The following LBHD1 variants were observed in gnomAD, a reference collection of about 807,000 sequenced individuals.
LBHD1 encodes LBH domain-containing protein 1.
LBHD1 carries 28 observed loss-of-function variants against 31.1 expected under a neutral mutation model. The ratio of observed to expected loss-of-function variants is 0.90; its 90% CI spans 0.67 to 1.24. The LOEUF is 1.24. LBHD1 is among the 50% of genes most tolerant of loss of function. The pLI, the probability that LBHD1 is intolerant of heterozygous loss-of-function variation, is 0.00. For missense variants in LBHD1, 350 were observed against 323.0 expected, an observed-to-expected ratio of 1.08 and a Z score of -0.64; for synonymous variants, 105 against 116.5, an observed-to-expected ratio of 0.90 and a Z score of 0.63.
chr11:62,669,517 C>T, intron 3 of LBHD1, 124 bp downstream of exon 3: 1 of 1,508,604 alleles, frequency 6.6e-7, no homozygotes, highest in African/African-American at 1.4e-5. Flanking sequence ...CACATCTTCA[C>T]ATTTATTGAG....
rs776646553 is a variant in LBHD1 at position 62,667,096 on chromosome 11, G to A, written c.538+427C>T. On this transcript the variant is annotated intron_variant, in intron 4 of 6. Coordinates refer to ENST00000354588, the MANE Select transcript of LBHD1 (RefSeq NM_024099.5). ...ACCCTAGTATTTCTGTGGGCAAGGA[G>A]AGGGCTGAAGAACTGTCTTTGCAAG... 9 of 1,512,710 alleles carry A rather than the reference G, an allele frequency of 5.9e-6. No homozygotes were observed. In the East Asian group the frequency reaches 2.0e-4, roughly 34 times the overall value. The allele number at this position is 1,512,710 out of a possible 1,614,324, so 93.7% of individuals were successfully genotyped here.
chr11:62,667,163 AT>A, intron 4 of LBHD1: 1 of 1,109,912 alleles, frequency 9.0e-7, no homozygotes, highest in Non-Finnish European at 1.3e-6. Flanking sequence ...TGGCTTCCAC[AT>A]TTACTAGCTG....
chr11:62,667,926 G>A (rs923047673), intron 3 of LBHD1, 179 bp from the exon 4 acceptor site: 18 of 573,672 alleles, frequency 3.1e-5, no homozygotes, highest in South Asian at 8.7e-5. Context: ...AAATGAGCCC[G>A]GGATAGTGGC....
Position 62,669,802 on chromosome 11 carries a change from T to C in LBHD1, c.152A>G (p.Asp51Gly), listed in dbSNP as rs1944906338. ...GKVEGHQHIQ[D>G]FSQKSHLPSI... ...CGGCAGATGGGACTTTTGAGAGAAA[T>C]CCTGAATAGGGACAGCAGGGAGGTT... is the stretch of plus-strand genomic sequence containing the variant. The change falls in exon 3 of 7, where the codon GAT becomes GGT. Residue 51 changes from aspartate (D) to glycine (G), a missense_variant and splice_region_variant. Physicochemically the swap from Asp to Gly is moderately conservative, Grantham distance 94. Transcript: ENST00000354588. 1 of 1,614,056 alleles carries C rather than the reference T, an allele frequency of 6.2e-7. No individual in the cohort carries two copies. Among genetic ancestry groups the C allele is most frequent in the Non-Finnish European group, 8.5e-7 (1 of 1,180,042 alleles).
rs1388517088 is a variant in LBHD1, at chr11:62,671,747, T to G, written c.-194A>C. 1.2e-6 allele frequency: 2 copies of G among 1,613,398 alleles called. No individual in the cohort carries two copies. Among genetic ancestry groups the G allele is most frequent in the Admixed American group, 3.3e-5 (2 of 60,002 alleles). On this transcript the variant is annotated 5_prime_UTR_variant, in exon 1 of 7. An upstream start codon of the reference 5' UTR is lost. Transcript: ENST00000354588. ...GCTCCGCTGGCTGTGCAGGCGGCCA[T>G]GGATTCCTTGCGGAAAATGCTGATC...
intron 4 of LBHD1, chr11:62,666,678 A>G: frequency 1.2e-6 from 2 of 1,614,066 alleles, no homozygotes; most frequent in Non-Finnish European, 1.7e-6. Context: ...GCCCACATGA[A>G]TAGCCTCCTG....
chr11:62,670,201 T>C (rs1944914840), intron 1 of LBHD1, 160 bp from the exon 2 acceptor site: 5 of 715,986 alleles, frequency 7.0e-6, no homozygotes, highest in Non-Finnish European at 1.1e-5. Context: ...AGAGGTGAGA[T>C]AGGATCTTTA....
rs539060909 is a variant in LBHD1 at position 62,663,407 on chromosome 11, T to C, written c.664-74A>G. 3.2e-5 allele frequency: 47 copies of C among 1,476,406 alleles called. No individual in the cohort carries two copies. The South Asian group carries it at 4.9e-4, about 15-fold the overall frequency. The allele number at this position is 1,476,406 out of a possible 1,614,324, so 91.5% of individuals were successfully genotyped here. A position where few individuals can be genotyped will look rare whatever the true frequency, so the allele number is the denominator to read the frequency against. ...GAGGTCACACAAATAGTTCTGGCTA[T>C]AGAAAAAGTATTAAATAGGCTGGGC... On this transcript the variant is annotated intron_variant, in intron 5 of 6. Transcript: ENST00000354588.
chr11:62,667,310 A>G (rs1944846892), intron 4 of LBHD1: 4 of 644,430 alleles, frequency 6.2e-6, no homozygotes, highest in East Asian at 5.5e-5. Flanking sequence ...AGAAGGTACA[A>G]TTGGGTCATT....
intron 4 of LBHD1, chr11:62,665,321 G>A (rs1590847097): frequency 5.5e-6 from 4 of 728,880 alleles, no homozygotes; most frequent in Non-Finnish European, 6.9e-6. Context: ...CCTTTCGGAG[G>A]GTGGTGAGCT....
At chr11:62,669,561 G>T in intron 3 of LBHD1, 80 bp downstream of exon 3, 1 of 1,533,906 alleles carries the variant, frequency 6.5e-7, no homozygotes, top group Non-Finnish European at 8.7e-7. Flanking sequence ...CTGAATGCAG[G>T]GGCCGTAACT....
rs1250724436 is a variant in LBHD1, at chr11:62,671,778, C to T, written c.-225G>A. 3 of 1,613,968 alleles carry T rather than the reference C, an allele frequency of 1.9e-6. No homozygotes were observed. The highest frequency in any genetic ancestry group is 2.5e-6 in the Non-Finnish European group (3 of 1,180,014). On this transcript the variant is annotated 5_prime_UTR_variant, in exon 1 of 7. Coordinates refer to ENST00000354588, the MANE Select transcript of LBHD1 (RefSeq NM_024099.5). Reference sequence around the variant, plus strand: ...CCTTGCGGAAAATGCTGATCTCAGTCGCAATGCTGGGCGCAGGGGCTGGCG... The same window carrying T: ...CCTTGCGGAAAATGCTGATCTCAGTTGCAATGCTGGGCGCAGGGGCTGGCG...
chr11:62,666,487 G>A lies in LBHD1; in HGVS notation c.538+1036C>T. 2.5e-6 allele frequency: 4 copies of A among 1,614,064 alleles called. No individual in the cohort carries two copies. The South Asian group carries it at 4.4e-5, about 18-fold the overall frequency. ...TGGGCACTGTCCCCACCTTCGACTG[G>A]TTCTTTGGATACGACGAAGTCCAGG... is the stretch of plus-strand genomic sequence containing the variant. On this transcript the variant is annotated intron_variant, in intron 4 of 6. Coordinates refer to ENST00000354588, the MANE Select transcript of LBHD1 (RefSeq NM_024099.5).
Position 62,669,028 on chromosome 11 carries a change from G to A in LBHD1, c.313+613C>T, listed in dbSNP as rs188328262. On this transcript the variant is annotated intron_variant, in intron 3 of 6. Transcript: ENST00000354588. ...TGCAAACTCCACATCCCGGGTTCAC[G>A]CCATTCTCCTGCCTCCCGAGTAGCT... 3.8e-3 allele frequency among the ~76,000 whole-genome samples: 572 copies of A among 151,010 alleles called. 2 individuals carry two copies. The highest frequency in any genetic ancestry group is 0.013 in the African/African-American group (539 of 41,234).
intron 4 of LBHD1, chr11:62,665,463 C>A: frequency 6.4e-7 from 1 of 1,572,340 alleles, no homozygotes; most frequent in East Asian, 2.3e-5. Flanking sequence ...GTGCCGCTCC[C>A]CGTAATGTAC....
rs576848204 is a variant in LBHD1, at chr11:62,671,684, G to A, written c.-131C>T. 1 of 1,597,662 alleles carries A rather than the reference G, an allele frequency of 6.3e-7. No homozygotes were observed. The highest frequency in any genetic ancestry group is 8.5e-7 in the Non-Finnish European group (1 of 1,172,334). On this transcript the variant is annotated 5_prime_UTR_variant, in exon 1 of 7. Transcript: ENST00000354588. ...CTGCGCCAAGGGGTAGTGAGACCGCGCGGCAACAGCTTGCGGCTGCGGGGA... is the reference window on the plus strand; with the variant it reads ...CTGCGCCAAGGGGTAGTGAGACCGCACGGCAACAGCTTGCGGCTGCGGGGA...
chr11:62,671,658 C>T lies in LBHD1; in HGVS notation c.-105G>A, dbSNP rs1944945952. On this transcript the variant is annotated 5_prime_UTR_variant, in exon 1 of 7. Transcript: ENST00000354588. ...TGGTTTCTGCTATAGGGCGCTCTAG[C>T]CTGCGCCAAGGGGTAGTGAGACCGC... 8.3e-6 allele frequency: 13 copies of T among 1,570,802 alleles called. No individual in the cohort carries two copies. Among genetic ancestry groups the T allele is most frequent in the Non-Finnish European group, 1.0e-5 (12 of 1,160,644 alleles).
At chr11:62,663,357 A>G (rs746379270) in intron 5 of LBHD1, 24 bp from the exon 6 acceptor site, 3 of 1,609,380 alleles carry the variant, frequency 1.9e-6, no homozygotes, top group South Asian at 2.2e-5. Context: ...GGAAATAAAG[A>G]GAGCTAGGTT....
At chr11:62,671,013 C>T (rs1944929145) in intron 1 of LBHD1, 3 of 258,516 alleles carry the variant, frequency 1.2e-5, no homozygotes, top group South Asian at 1.1e-4. Flanking sequence ...GCAGGAGGAT[C>T]GCTTGGGCCC....
Sources: allele counts gnomAD v4.1 joint callset (sites outside exome capture counted in the v4.1 genomes callset), GRCh38; gene constraint gnomAD v4.1.1; transcripts MANE v1.5; gene names NCBI Gene and HGNC (gene_info 2026-07-23, HGNC 2026-07-21).